CSMD3: variants seen among roughly 807,000 people sequenced by gnomAD.
CSMD3 encodes the protein CUB and Sushi multiple domains 3.
A neutral mutation model predicts 435.2 loss-of-function variants in CSMD3; 177 were observed. That is an observed-to-expected ratio of 0.41 (90% CI 0.36 to 0.46). The LOEUF is 0.46. Among genes scored for constraint, CSMD3 ranks in the 20% least tolerant of loss-of-function variants. The pLI, the probability that CSMD3 is intolerant of heterozygous loss-of-function variation, is 0.34. For missense variants in CSMD3, 4,265 were observed against 4,504.6 expected, an observed-to-expected ratio of 0.95 and a Z score of 1.52; for synonymous variants, 1,656 against 1,520.5, an observed-to-expected ratio of 1.09 and a Z score of -2.07.
At chr8:112,298,423 A>G (rs936475356) in intron 53 of CSMD3, among the ~76,000 whole-genome samples, 4 of 152,148 alleles carry the variant, frequency 2.6e-5, no homozygotes, top group African/African-American at 9.6e-5. Flanking sequence ...AACATTGGAG[A>G]TATAAAAGTT....
At chr8:112,685,213 A>G (rs953500122) in intron 15 of CSMD3, among the ~76,000 whole-genome samples, 193 bp downstream of exon 15, 1 of 152,166 alleles carries the variant, frequency 6.6e-6, no homozygotes, top group African/African-American at 2.4e-5. Flanking sequence ...CAAAAAAGGA[A>G]ATGTATTAAT....
intron 32 of CSMD3, 63 bp downstream of exon 32, chr8:112,472,528 C>A: frequency 1.1e-6 from 1 of 872,742 alleles, no homozygotes; most frequent in East Asian, 2.4e-5. Flanking sequence ...TTTTGAATAG[C>A]ATGTAGTGAA....
chr8:113,268,802 T>C (rs576714522), intron 3 of CSMD3, among the ~76,000 whole-genome samples: 3 of 152,182 alleles, frequency 2.0e-5, no homozygotes, highest in East Asian at 3.9e-4. Flanking sequence ...ATGCCACTAA[T>C]GGAAAAAATG....
chr8:112,282,749 G>A (rs370771288), intron 58 of CSMD3, among the ~76,000 whole-genome samples: 2 of 152,042 alleles, frequency 1.3e-5, no homozygotes, highest in Non-Finnish European at 2.9e-5. Context: ...AGGTAAGTGC[G>A]TCATCTATCA....
intron 13 of CSMD3, among the ~76,000 whole-genome samples, chr8:112,713,946 C>A (rs1306170204): frequency 1.4e-5 from 2 of 147,946 alleles, no homozygotes; most frequent in East Asian, 2.0e-4. Flanking sequence ...GGAAGAAAAA[C>A]CAGTACCAGA....
chr8:113,352,908 G>A (rs73341936), intron 1 of CSMD3, among the ~76,000 whole-genome samples: 2 of 152,126 alleles, frequency 1.3e-5, no homozygotes, highest in Non-Finnish European at 2.9e-5. Flanking sequence ...GGGTGAATTG[G>A]TACAGGGACA....
At chr8:113,126,539 G>A (rs1288323169) in intron 4 of CSMD3, among the ~76,000 whole-genome samples, 3 of 151,910 alleles carry the variant, frequency 2.0e-5, no homozygotes, top group Non-Finnish European at 4.4e-5. Flanking sequence ...CAATCTGGAT[G>A]ACATTAATAA....
chr8:113,317,717 T>C (rs181510595), intron 1 of CSMD3, among the ~76,000 whole-genome samples: 1 of 152,264 alleles, frequency 6.6e-6, no homozygotes, highest in African/African-American at 2.4e-5. Context: ...TCATTTATGC[T>C]TCACAGGGTT....
chr8:113,250,623 A>G (rs952513652), intron 3 of CSMD3, among the ~76,000 whole-genome samples: 2 of 152,088 alleles, frequency 1.3e-5, no homozygotes, highest in Admixed American at 6.6e-5. Context: ...ATGGAAGGAG[A>G]TGGGGCCAAA....
intron 6 of CSMD3, among the ~76,000 whole-genome samples, chr8:112,994,407 C>T (rs529780598): frequency 2.6e-4 from 39 of 151,714 alleles, no homozygotes; most frequent in African/African-American, 9.4e-4. Context: ...ATTATTATTA[C>T]TCCAATGCAA....
chr8:113,264,702 C>T lies in CSMD3; in HGVS notation c.514+13890G>A, dbSNP rs546500195. ...TATTCATTAAAATCATAAATAATTTCGTCTATTTTTAATTATTTAAAAAAT... is the reference window on the plus strand; with the variant it reads ...TATTCATTAAAATCATAAATAATTTTGTCTATTTTTAATTATTTAAAAAAT... On this transcript the variant is annotated intron_variant, in intron 3 of 70. Transcript: ENST00000297405. Among the ~76,000 whole-genome samples the T allele has an allele frequency of 3.5e-4, 53 of 150,936 alleles. 1 individual carries two copies. The highest frequency in any genetic ancestry group is 3.4e-3 in the Middle Eastern group (1 of 294).
rs1321900953 is a variant in CSMD3, at chr8:112,390,712, A to G, written c.5886T>C (p.Asn1962=). The G allele has an allele frequency of 6.2e-7, 1 of 1,613,188 alleles. No individual in the cohort carries two copies. The highest frequency in any genetic ancestry group is 1.7e-5 in the Admixed American group (1 of 60,004). Residue 1962 remains asparagine, a synonymous_variant, in exon 36 of 71, where the codon AAT becomes AAC. Coordinates refer to ENST00000297405, the MANE Select transcript of CSMD3 (RefSeq NM_198123.2). ...CTGTGATCTTCCACACACAATTCAG[A>G]TTGTTGTCATAAGGCTCAGGGTATC... is the stretch of plus-strand genomic sequence containing the variant. The part of the protein sequence containing the change: ...SPGYPEPYDN[N]LNCVWKITVP...
intron 1 of CSMD3, among the ~76,000 whole-genome samples, chr8:113,332,707 T>C (rs1336694681): frequency 5.3e-5 from 8 of 151,700 alleles, no homozygotes; most frequent in Non-Finnish European, 1.5e-5. Flanking sequence ...TCCAGACTGA[T>C]GCACTTATTC....
intron 5 of CSMD3, among the ~76,000 whole-genome samples, chr8:113,038,367 T>C (rs1023642063): frequency 2.6e-5 from 4 of 152,194 alleles, no homozygotes; most frequent in African/African-American, 7.2e-5. Flanking sequence ...CATTGAATAA[T>C]TGTCAAATGT....
At chr8:112,233,314 A>G (rs1445105833) in intron 68 of CSMD3, among the ~76,000 whole-genome samples, 1 of 152,174 alleles carries the variant, frequency 6.6e-6, no homozygotes, top group Admixed American at 6.5e-5. Flanking sequence ...ATTTCACAAC[A>G]ACTGATTTAT....
chr8:113,070,694 C>A (rs1461679862), intron 5 of CSMD3, among the ~76,000 whole-genome samples: 1 of 151,970 alleles, frequency 6.6e-6, no homozygotes, highest in Non-Finnish European at 1.5e-5. Context: ...ATAAGTGAGA[C>A]CATGCTGTAT....
In CSMD3 at chr8:112,902,524, C is replaced by T. The variant is rs143754740; in HGVS notation, c.1633+19103G>A. ...GGCCCCTCAGTTCATAGAGATACTT[C>T]TAAATATATGAACCTGGTTTGATGA... On this transcript the variant is annotated intron_variant, in intron 10 of 70. Transcript: ENST00000297405. 1.3e-4 allele frequency among the ~76,000 whole-genome samples: 20 copies of T among 151,376 alleles called. No homozygotes were observed. The East Asian group carries it at 3.9e-3, about 30-fold the overall frequency.
chr8:113,325,668 T>C (rs565730230), intron 1 of CSMD3, among the ~76,000 whole-genome samples: 1 of 152,274 alleles, frequency 6.6e-6, no homozygotes, highest in African/African-American at 2.4e-5. Flanking sequence ...AGTTGTATGG[T>C]AGAAAAGAGT....
chr8:113,378,342 T>C (rs1274028819), intron 1 of CSMD3, among the ~76,000 whole-genome samples: 1 of 152,190 alleles, frequency 6.6e-6, no homozygotes, highest in East Asian at 1.9e-4. Context: ...TATACGATAA[T>C]GAAACAAACT....
Sources: gnomAD v4.1 joint callset for allele counts (sites outside exome capture counted in the v4.1 genomes callset) on GRCh38, gnomAD v4.1.1 for gene constraint, MANE v1.5 for transcripts, NCBI Gene and HGNC (gene_info 2026-07-23, HGNC 2026-07-21) for gene names.